Variants in RNF6 observed in about 807,000 individuals in gnomAD.
RNF6 encodes the protein ring finger protein 6, also known as E3 ubiquitin-protein ligase RNF6.
In RNF6, 21 loss-of-function variants were observed where a neutral mutation model predicts 50.1. That is an observed-to-expected ratio of 0.42 (90% confidence interval 0.30 to 0.60). The LOEUF (loss-of-function observed/expected upper bound fraction) is 0.60, where lower values mean the gene tolerates loss of function less well. RNF6 is among the 20% of genes least tolerant of loss of function. RNF6 has a pLI of 0.20. For missense variants in RNF6, 698 were observed against 838.2 expected (o/e 0.83, Z 2.07); for synonymous variants, 255 against 291.8 (o/e 0.87, Z 1.29).
chr13:26,179,905 G>C (rs985564759), intron 5 of RNF6, among the ~76,000 whole-genome samples: 4 of 152,220 alleles, frequency 2.6e-5, no homozygotes, highest in Admixed American at 2.0e-4. Context: ...GCAGAGTCTA[G>C]TCCAGGATCC....
intron 5 of RNF6, among the ~76,000 whole-genome samples, chr13:26,195,817 T>C (rs1868638359): frequency 1.3e-5 from 2 of 152,066 alleles, no homozygotes; most frequent in Admixed American, 6.5e-5. Flanking sequence ...CACACATACA[T>C]ACAATTTTAC....
At chr13:26,221,615 T>A (rs1870508533) in intron 1 of RNF6, 2 of 152,262 alleles carry the variant, frequency 1.3e-5, no homozygotes, top group African/African-American at 4.8e-5. Context: ...CCCATTCGGA[T>A]GTTACCAGGG....
At chr13:26,206,832 G>A (rs140644147) in intron 5 of RNF6, among the ~76,000 whole-genome samples, 1 of 152,026 alleles carries the variant, frequency 6.6e-6, no homozygotes, top group East Asian at 1.9e-4. Flanking sequence ...CTTTGAAGAA[G>A]CACATAGATG....
intron 4 of RNF6, among the ~76,000 whole-genome samples, chr13:26,218,197 A>G (rs936378902): frequency 6.6e-6 from 1 of 152,240 alleles, no homozygotes; most frequent in African/African-American, 2.4e-5. Flanking sequence ...TTAGAAGCTA[A>G]GTAATATCAC....
At position 26,215,276 on chromosome 13, in the gene RNF6, T is replaced by C. The variant is rs1296703926; in HGVS notation, c.606A>G (p.Ser202=). ...TGGAACTACTACCATTGAAATTCAC[T>C]GAGGTTTGGCTTCTTGTTCGCCTAG... is the stretch of plus-strand genomic sequence containing the variant. ...PVARRTRSQT[S]VNFNGSSSNI... Residue 202 remains serine (S), a synonymous_variant, in exon 5 of 5, where the codon TCA becomes TCG. Coordinates refer to ENST00000381588, the MANE Select transcript of RNF6 (RefSeq NM_005977.4). 1 of 1,614,258 alleles carries C rather than the reference T, an allele frequency of 6.2e-7. No individual in the cohort carries two copies. Among genetic ancestry groups the C allele is most frequent in the Non-Finnish European group, 8.5e-7 (1 of 1,180,048 alleles).
chr13:26,167,174 C>T (rs1872492237), intron 5 of RNF6, among the ~76,000 whole-genome samples: 1 of 152,140 alleles, frequency 6.6e-6, no homozygotes, highest in African/African-American at 2.4e-5. Flanking sequence ...ATGCCAAAAG[C>T]AATTGCAACA....
chr13:26,178,940 C>G (rs772358915), intron 5 of RNF6, among the ~76,000 whole-genome samples: 2 of 152,118 alleles, frequency 1.3e-5, no homozygotes, highest in Non-Finnish European at 2.9e-5. Flanking sequence ...CCAGATTCAT[C>G]CATGTTGTCG....
intron 5 of RNF6, among the ~76,000 whole-genome samples, chr13:26,160,841 A>G (rs888091925): frequency 1.3e-5 from 2 of 152,050 alleles, no homozygotes; most frequent in Non-Finnish European, 2.9e-5. Context: ...CTTTGTCCTC[A>G]TGTGGCCTTC....
chr13:26,184,965 C>T (rs1031991385), intron 5 of RNF6, among the ~76,000 whole-genome samples: 21 of 151,590 alleles, frequency 1.4e-4, no homozygotes, highest in Non-Finnish European at 2.4e-4. Context: ...TATTTTAGAA[C>T]TTGTAGGTAT....
At chr13:26,165,971 G>A (rs1872431405) in intron 5 of RNF6, among the ~76,000 whole-genome samples, 1 of 152,188 alleles carries the variant, frequency 6.6e-6, no homozygotes, top group Admixed American at 6.5e-5. Flanking sequence ...GAGGACATGA[G>A]ATTTGGGAGG....
intron 5 of RNF6, among the ~76,000 whole-genome samples, chr13:26,180,115 T>G (rs1193043771): frequency 1.3e-5 from 2 of 152,162 alleles, no homozygotes; most frequent in Non-Finnish European, 2.9e-5. Flanking sequence ...AAGGGCTATA[T>G]CCAGTTATCC....
chr13:26,158,079 A>C (rs1434961465), intron 5 of RNF6, among the ~76,000 whole-genome samples: 1 of 152,168 alleles, frequency 6.6e-6, no homozygotes, highest in Non-Finnish European at 1.5e-5. Context: ...TGAAACATGA[A>C]TGGATAGATG....
At chr13:26,193,259 G>A (rs372527756) in intron 5 of RNF6, among the ~76,000 whole-genome samples, 32 of 152,236 alleles carry the variant, frequency 2.1e-4, no homozygotes, top group African/African-American at 7.0e-4. Context: ...AATTAAGGCA[G>A]TTAGTGTACA....
rs569062089 is a variant in RNF6 at position 26,169,707 on chromosome 13, G to C, written n.769-37256C>G. Among the ~76,000 whole-genome samples, 69 of 152,312 alleles carry C rather than the reference G, an allele frequency of 4.5e-4. 1 individual carries two copies. The highest frequency in any genetic ancestry group is 1.7e-3 in the African/African-American group (69 of 41,568). The stretch of plus-strand genomic sequence containing the variant: ...CAGCACCCCATCTCAGTTTCTTTGA[G>C]AGGGTAGGAGTCTGACTTTAGTGGA... On this transcript the variant is annotated intron_variant and non_coding_transcript_variant, in intron 5 of 5. Coordinates refer to the RNF6 transcript ENST00000468480.
At chr13:26,184,979 T>C (rs1329468898) in intron 5 of RNF6, among the ~76,000 whole-genome samples, 2 of 148,848 alleles carry the variant, frequency 1.3e-5, no homozygotes, top group Admixed American at 6.6e-5. Flanking sequence ...TAGGTATTGT[T>C]ATCATTTTAT....
intron 4 of RNF6, 79 bp from the exon 5 acceptor site, chr13:26,215,671 CAA>C (rs1869806004): frequency 8.1e-7 from 1 of 1,239,712 alleles, no homozygotes; most frequent in Non-Finnish European, 1.1e-6. Flanking sequence ...GTAAGAAAAA[CAA>C]AGTTTGTAAT....
intron 5 of RNF6, among the ~76,000 whole-genome samples, chr13:26,172,210 T>C (rs906042923): frequency 6.6e-6 from 1 of 152,196 alleles, no homozygotes; most frequent in African/African-American, 2.4e-5. Flanking sequence ...ATGAATGCCA[T>C]GGCAGGTCAT....
intron 5 of RNF6, among the ~76,000 whole-genome samples, chr13:26,160,544 CTTTTT>C (rs398022018): frequency 1.2e-4 from 3 of 24,308 alleles, no homozygotes; most frequent in Non-Finnish European, 1.8e-4. Context: ...TCTTCTTCTT[CTTTTT>C]TTTTTTTTTT....
chr13:26,161,838 A>G (rs1204780539), intron 5 of RNF6, among the ~76,000 whole-genome samples: 1 of 151,994 alleles, frequency 6.6e-6, no homozygotes, highest in Non-Finnish European at 1.5e-5. Flanking sequence ...AGAAAATCCC[A>G]TTGTGTCTTC....
Sources: gnomAD v4.1 joint callset for allele counts (sites outside exome capture counted in the v4.1 genomes callset) on GRCh38, gnomAD v4.1.1 for gene constraint, MANE v1.5 for transcripts, NCBI Gene and HGNC (gene_info 2026-07-23, HGNC 2026-07-21) for gene names.